Variants in EXT1 observed in about 807,000 individuals in gnomAD.
EXT1 encodes the protein exostosin glycosyltransferase 1.
Under a neutral mutation model 82.5 loss-of-function variants are expected in EXT1, and 20 were observed. That is an observed-to-expected ratio of 0.24 (90% CI 0.17 to 0.35). EXT1 has a LOEUF of 0.35. Ranked by LOEUF, EXT1 falls within the 10% of genes least tolerant of loss-of-function variation. The pLI, the probability that EXT1 is intolerant of heterozygous loss-of-function variation, is 1.00. For synonymous variants in EXT1, 348 were observed against 350.8 expected (o/e 0.99, Z 0.09); for missense variants, 757 against 936.5 (o/e 0.81, Z 2.50).
chr8:117,897,934 A>C (rs892130743), intron 1 of EXT1, among the ~76,000 whole-genome samples: 3 of 152,106 alleles, frequency 2.0e-5, no homozygotes, highest in Non-Finnish European at 4.4e-5. Context: ...AGTTTGTTCC[A>C]CTTTGAATGC....
intron 1 of EXT1, among the ~76,000 whole-genome samples, chr8:117,911,942 C>G (rs1254085871): frequency 3.3e-5 from 5 of 151,830 alleles, no homozygotes; most frequent in Admixed American, 3.3e-4. Flanking sequence ...CTCACGGGAG[C>G]TATGTTTAGT....
Position 118,009,434 on chromosome 8 carries a change from G to A in EXT1, c.962+100651C>T, listed in dbSNP as rs375146234. Reference sequence around the variant, plus strand: ...ACAGAGGGAAAGTTGAGAAAAGGACGTGGAGAAAGGGTGAGTCAAAGCAAG... The same window carrying A: ...ACAGAGGGAAAGTTGAGAAAAGGACATGGAGAAAGGGTGAGTCAAAGCAAG... On this transcript the variant is annotated intron_variant, in intron 1 of 10. Coordinates refer to ENST00000378204, the MANE Select transcript of EXT1 (RefSeq NM_000127.3). 1.7e-3 allele frequency among the ~76,000 whole-genome samples: 262 copies of A among 152,342 alleles called. 1 individual carries two copies. Among genetic ancestry groups the A allele is most frequent in the Middle Eastern group, 6.8e-3 (2 of 294 alleles).
At chr8:118,100,844 A>C (rs1351213157) in intron 1 of EXT1, among the ~76,000 whole-genome samples, 1 of 152,048 alleles carries the variant, frequency 6.6e-6, no homozygotes, top group East Asian at 1.9e-4. Context: ...GAAGTATCTG[A>C]CTGCCCCAGG....
chr8:118,105,576 A>G (rs966654355), intron 1 of EXT1, among the ~76,000 whole-genome samples: 9 of 152,238 alleles, frequency 5.9e-5, no homozygotes, highest in African/African-American at 2.2e-4. Flanking sequence ...CGAGAAAGGA[A>G]GGAGAGAATC....
At chr8:118,064,469 C>G (rs1036845413) in intron 1 of EXT1, among the ~76,000 whole-genome samples, 3 of 152,124 alleles carry the variant, frequency 2.0e-5, no homozygotes, top group Non-Finnish European at 4.4e-5. Flanking sequence ...GAGAATGATG[C>G]TTTCCAGCTT....
intron 1 of EXT1, among the ~76,000 whole-genome samples, chr8:117,899,411 C>T (rs752404734): frequency 6.6e-6 from 1 of 152,204 alleles, no homozygotes; most frequent in African/African-American, 2.4e-5. Flanking sequence ...TTCATCTCAG[C>T]CCATCACCAG....
At chr8:117,901,258 TG>T (rs1813443642) in intron 1 of EXT1, among the ~76,000 whole-genome samples, 1 of 152,260 alleles carries the variant, frequency 6.6e-6, no homozygotes. Context: ...TGGTGTAGCC[TG>T]TATCTCCTAG....
chr8:117,905,620 G>A (rs1813529089), intron 1 of EXT1, among the ~76,000 whole-genome samples: 1 of 152,158 alleles, frequency 6.6e-6, no homozygotes, highest in Non-Finnish European at 1.5e-5. Context: ...AGATCATCCT[G>A]GCTAACACGG....
chr8:117,804,199 T>C (rs1288412292), intron 10 of EXT1, among the ~76,000 whole-genome samples: 1 of 152,146 alleles, frequency 6.6e-6, no homozygotes, highest in East Asian at 1.9e-4. Flanking sequence ...GTCATGAGGG[T>C]GGAGTCCTCA....
At chr8:118,105,032 G>T (rs932278574) in intron 1 of EXT1, among the ~76,000 whole-genome samples, 1 of 152,176 alleles carries the variant, frequency 6.6e-6, no homozygotes, top group African/African-American at 2.4e-5. Context: ...CCACTTACAG[G>T]CTGCGTAGCC....
chr8:117,973,938 G>A (rs28450467), intron 1 of EXT1, among the ~76,000 whole-genome samples: 2 of 132,688 alleles, frequency 1.5e-5, no homozygotes, highest in African/African-American at 6.1e-5. Context: ...AGCAAGGAAG[G>A]AAGGAAGGAA....
chr8:117,953,893 GA>G (rs1814539548), intron 1 of EXT1, among the ~76,000 whole-genome samples: 2 of 151,896 alleles, frequency 1.3e-5, no homozygotes, highest in Admixed American at 1.3e-4. Context: ...CTGGGGGACA[GA>G]GCAAGACTCC....
intron 1 of EXT1, among the ~76,000 whole-genome samples, chr8:117,959,397 C>T (rs1241423235): frequency 1.4e-4 from 21 of 152,240 alleles, no homozygotes; most frequent in Non-Finnish European, 1.8e-4. Context: ...TTTCATTCTT[C>T]TGTGCCCTTG....
intron 1 of EXT1, among the ~76,000 whole-genome samples, chr8:117,864,747 T>A (rs1198121688): frequency 1.2e-4 from 9 of 74,224 alleles, no homozygotes; most frequent in Non-Finnish European, 2.2e-4. Flanking sequence ...AGACTCTGCC[T>A]CAAAAAAAAA....
intron 1 of EXT1, among the ~76,000 whole-genome samples, chr8:117,903,740 G>A (rs764875554): frequency 2.4e-4 from 37 of 152,164 alleles, no homozygotes; most frequent in Middle Eastern, 3.4e-3. Context: ...ATTAAATGGC[G>A]CCTCTAATCA....
chr8:117,829,569 C>CTTTTTTTTTT (rs35823668), intron 4 of EXT1, among the ~76,000 whole-genome samples: 33 of 96,870 alleles, frequency 3.4e-4, no homozygotes, highest in Admixed American at 5.3e-4. Flanking sequence ...ATATATTTTT[C>CTTTTTTTTTT]TTTTTTTTTT....
At chr8:117,813,761 T>C (rs2129722926) in intron 7 of EXT1, among the ~76,000 whole-genome samples, 1 of 152,192 alleles carries the variant, frequency 6.6e-6, no homozygotes, top group African/African-American at 2.4e-5. Context: ...ATCCCAGCAT[T>C]TTGGGAGGCT....
At chr8:118,058,956 C>T (rs1816837751) in intron 1 of EXT1, among the ~76,000 whole-genome samples, 2 of 152,198 alleles carry the variant, frequency 1.3e-5, no homozygotes, top group South Asian at 4.1e-4. Flanking sequence ...TCCCCTTCTG[C>T]TTCTCTGTAT....
At chr8:117,856,399 C>T (rs527256757) in intron 1 of EXT1, among the ~76,000 whole-genome samples, 7 of 148,502 alleles carry the variant, frequency 4.7e-5, no homozygotes, top group East Asian at 4.0e-4. Flanking sequence ...GGACTACAGG[C>T]GCCAGCCACC....
Sources: gnomAD v4.1 joint callset for allele counts (sites outside exome capture counted in the v4.1 genomes callset) on GRCh38, gnomAD v4.1.1 for gene constraint, MANE v1.5 for transcripts, NCBI Gene and HGNC (gene_info 2026-07-23, HGNC 2026-07-21) for gene names.